Variants in FRMD4A observed in about 807,000 individuals in gnomAD.
The protein encoded by FRMD4A is FERM domain-containing protein 4A.
Under a neutral mutation model 129.1 loss-of-function variants are expected in FRMD4A, and 29 were observed. That is an observed-to-expected ratio of 0.22 (90% CI 0.17 to 0.31). FRMD4A has a LOEUF of 0.31. Among genes scored for constraint, FRMD4A ranks in the 10% least tolerant of loss-of-function variants. FRMD4A has a pLI of 1.00. For missense variants in FRMD4A, 1,272 were observed against 1,375.8 expected (o/e 0.92, Z 1.19); for synonymous variants, 634 against 571.6 (o/e 1.11, Z -1.56).
At chr10:13,762,867 G>A (rs981344758) in intron 6 of FRMD4A, among the ~76,000 whole-genome samples, 187 bp from the exon 7 acceptor site, 6 of 152,156 alleles carry the variant, frequency 3.9e-5, no homozygotes, top group Admixed American at 6.6e-5. Flanking sequence ...GGTGGTGCAC[G>A]TCTGTAGACG....
At chr10:14,261,787 C>T (rs941203734) in intron 2 of FRMD4A, among the ~76,000 whole-genome samples, 1 of 152,046 alleles carries the variant, frequency 6.6e-6, no homozygotes, top group Admixed American at 6.6e-5. Flanking sequence ...CAGGAGGGAT[C>T]GTTTTTTCCT....
At chr10:13,784,534 C>G (rs547732387) in intron 5 of FRMD4A, among the ~76,000 whole-genome samples, 2 of 152,250 alleles carry the variant, frequency 1.3e-5, no homozygotes, top group African/African-American at 4.8e-5. Context: ...TGAGGGGCAA[C>G]AACTTGGAAT....
At position 13,684,827 on chromosome 10, in the gene FRMD4A, G is replaced by A. The variant is rs968242549; in HGVS notation, c.1117+9071C>T. ...AAGAAGAAAGGAATCGGTTGTTCTA[G>A]AACTAAAGAAGGGAAATGACAATCC... On this transcript the variant is annotated intron_variant, in intron 15 of 24. Transcript: ENST00000357447. 4.1e-6 allele frequency: 4 copies of A among 979,184 alleles called. No individual in the cohort carries two copies. The East Asian group carries it at 3.5e-4, about 85-fold the overall frequency. The allele number at this position is 979,184 out of a possible 1,614,324, so 60.7% of individuals were successfully genotyped here. A position where few individuals can be genotyped will look rare whatever the true frequency, so the allele number is the denominator to read the frequency against.
chr10:13,853,114 G>T (rs2094162040), intron 3 of FRMD4A, among the ~76,000 whole-genome samples: 1 of 152,152 alleles, frequency 6.6e-6, no homozygotes, highest in Non-Finnish European at 1.5e-5. Flanking sequence ...AAATCCTAGG[G>T]CAGCTTGGAA....
chr10:13,933,317 C>A (rs977486044), intron 2 of FRMD4A, among the ~76,000 whole-genome samples: 6 of 152,264 alleles, frequency 3.9e-5, no homozygotes, highest in Non-Finnish European at 8.8e-5. Flanking sequence ...TTACATAGGG[C>A]ATACACCAAG....
intron 8 of FRMD4A, among the ~76,000 whole-genome samples, chr10:13,758,804 A>C (rs2091958318): frequency 6.6e-6 from 1 of 152,210 alleles, no homozygotes; most frequent in Non-Finnish European, 1.5e-5. Flanking sequence ...TAAGGAGCAA[A>C]AAATCCTGCA....
chr10:14,192,330 G>A (rs925225964), intron 2 of FRMD4A, among the ~76,000 whole-genome samples: 7 of 152,122 alleles, frequency 4.6e-5, no homozygotes, highest in Non-Finnish European at 8.8e-5. Flanking sequence ...TATCTTATTT[G>A]GAAGATGTTG....
At chr10:13,920,608 T>C (rs1053867428) in intron 2 of FRMD4A, among the ~76,000 whole-genome samples, 13 of 152,212 alleles carry the variant, frequency 8.5e-5, no homozygotes, top group African/African-American at 3.1e-4. Flanking sequence ...TATAGGTGAA[T>C]AGTGGAAAAC....
intron 2 of FRMD4A, among the ~76,000 whole-genome samples, chr10:14,175,376 T>G (rs1402940568): frequency 1.3e-5 from 2 of 152,190 alleles, no homozygotes; most frequent in Non-Finnish European, 2.9e-5. Flanking sequence ...CCCAGGCCCC[T>G]GCCTCTTCCT....
intron 2 of FRMD4A, among the ~76,000 whole-genome samples, chr10:13,991,550 C>G (rs757335282): frequency 6.6e-6 from 1 of 152,152 alleles, no homozygotes; most frequent in Non-Finnish European, 1.5e-5. Flanking sequence ...CTGTCAGGGC[C>G]TAACATTCCA....
At chr10:14,176,432 T>C (rs934426354) in intron 2 of FRMD4A, among the ~76,000 whole-genome samples, 1 of 149,170 alleles carries the variant, frequency 6.7e-6, no homozygotes, top group African/African-American at 2.4e-5. Flanking sequence ...AAAACCAAAA[T>C]GTCTCCACGA....
At chr10:13,701,865 C>A (rs747519572) in intron 13 of FRMD4A, among the ~76,000 whole-genome samples, 4 of 152,180 alleles carry the variant, frequency 2.6e-5, no homozygotes, top group Non-Finnish European at 5.9e-5. Flanking sequence ...AATGTGCCTA[C>A]GGTGGGGATG....
At chr10:13,659,611 G>C in intron 20 of FRMD4A, 121 bp from the exon 21 acceptor site, 1 of 969,520 alleles carries the variant, frequency 1.0e-6, no homozygotes, top group East Asian at 2.5e-5. Flanking sequence ...CTCCCACCTC[G>C]CTTGGTCAGA....
rs866354232 is a variant in FRMD4A, at chr10:14,014,340, G to T, written c.46-155428C>A. Among the ~76,000 whole-genome samples, 7 of 152,164 alleles carry T rather than the reference G, an allele frequency of 4.6e-5. No individual in the cohort carries two copies. The South Asian group carries it at 6.2e-4, about 14-fold the overall frequency. On this transcript the variant is annotated intron_variant, in intron 2 of 24. Coordinates refer to ENST00000357447, the MANE Select transcript of FRMD4A (RefSeq NM_018027.5). Reference sequence around the variant, plus strand: ...CTATGCATGTAACAAAATATCACACGCCCCCCATTAATATGTACGTGTATT... The same window carrying T: ...CTATGCATGTAACAAAATATCACACTCCCCCCATTAATATGTACGTGTATT...
intron 2 of FRMD4A, among the ~76,000 whole-genome samples, chr10:14,257,068 C>T (rs558674247): frequency 1.3e-5 from 2 of 152,216 alleles, no homozygotes; most frequent in Non-Finnish European, 2.9e-5. Context: ...GTGGCTCACA[C>T]CTGTAATCCC....
At chr10:13,654,266 C>T (rs1437851878) in intron 23 of FRMD4A, 150 bp downstream of exon 23, 1 of 666,318 alleles carries the variant, frequency 1.5e-6, no homozygotes, top group Non-Finnish European at 2.7e-6. Flanking sequence ...GAGGTGACAG[C>T]AGATCATGGG....
chr10:13,653,273 G>C (rs1294134703), intron 23 of FRMD4A: 1 of 152,116 alleles, frequency 6.6e-6, no homozygotes, highest in Non-Finnish European at 1.5e-5. Flanking sequence ...TAGCACTTTG[G>C]GAAGCTGAGG....
chr10:13,888,254 C>A (rs1183364425), intron 2 of FRMD4A, among the ~76,000 whole-genome samples: 1 of 152,218 alleles, frequency 6.6e-6, no homozygotes, highest in Non-Finnish European at 1.5e-5. Flanking sequence ...TTCCAAGATT[C>A]TCTGACTCTG....
At chr10:13,773,827 G>C (rs556306773) in intron 6 of FRMD4A, among the ~76,000 whole-genome samples, 1 of 152,204 alleles carries the variant, frequency 6.6e-6, no homozygotes, top group Non-Finnish European at 1.5e-5. Flanking sequence ...GGACAAGTCC[G>C]CTGCCTCCTG....
Sources: gnomAD v4.1 joint callset for allele counts (sites outside exome capture counted in the v4.1 genomes callset) on GRCh38, gnomAD v4.1.1 for gene constraint, MANE v1.5 for transcripts, NCBI Gene and HGNC (gene_info 2026-07-23, HGNC 2026-07-21) for gene names.